HADHB: variants seen among roughly 807,000 people sequenced by gnomAD.
The protein encoded by HADHB is trifunctional enzyme subunit beta, mitochondrial.
HADHB carries 50 observed loss-of-function variants against 61.9 expected under a neutral mutation model. That is an observed-to-expected ratio of 0.81 (90% CI 0.64 to 1.02). The LOEUF (loss-of-function observed/expected upper bound fraction) is 1.02. Among genes scored for constraint, HADHB ranks in the 50% least tolerant of loss-of-function variants. The probability of loss-of-function intolerance (pLI) is 0.00; values close to 1 mark genes in which losing one functional copy is unlikely to be tolerated. For synonymous variants in HADHB, 191 were observed against 201.6 expected (o/e 0.95, Z 0.45); for missense variants, 504 against 586.5 (o/e 0.86, Z 1.45).
intron 8 of HADHB, 66 bp downstream of exon 8, chr2:26,278,867 C>G (rs1008052766): frequency 3.1e-6 from 4 of 1,287,354 alleles, no homozygotes; most frequent in Non-Finnish European, 4.5e-6. Context: ...AGTGTGGACT[C>G]TGCTATGCTG....
intron 12 of HADHB, among the ~76,000 whole-genome samples, 197 bp from the exon 13 acceptor site, chr2:26,283,918 ACT>A (rs1402779618): frequency 6.6e-6 from 1 of 152,056 alleles, no homozygotes; most frequent in East Asian, 1.9e-4. Context: ...AATTTCTCTG[ACT>A]CTGCAACATA....
chr2:26,259,543 C>G (rs1274225597), intron 3 of HADHB, among the ~76,000 whole-genome samples: 1 of 152,190 alleles, frequency 6.6e-6, no homozygotes, highest in Non-Finnish European at 1.5e-5. Context: ...GGTTATAGAA[C>G]AGCTGCCTTC....
chr2:26,285,828 C>A (rs1673013155), intron 15 of HADHB, among the ~76,000 whole-genome samples: 1 of 143,844 alleles, frequency 7.0e-6, no homozygotes, highest in Non-Finnish European at 1.5e-5. Context: ...ACCTCCACTT[C>A]CCGGATTCAG....
chr2:26,284,419 G>A (rs1672932171), intron 13 of HADHB, among the ~76,000 whole-genome samples: 1 of 151,726 alleles, frequency 6.6e-6, no homozygotes, highest in Admixed American at 6.6e-5. Flanking sequence ...TGCTTCTTTA[G>A]GAAATTGCCA....
At chr2:26,252,500 T>A (rs1412140833) in intron 1 of HADHB, among the ~76,000 whole-genome samples, 1 of 152,228 alleles carries the variant, frequency 6.6e-6, no homozygotes, top group East Asian at 1.9e-4. Context: ...CAATTATTTT[T>A]AACATCTTTA....
chr2:26,285,619 G>C (rs751590835), intron 15 of HADHB, 48 bp downstream of exon 15: 2 of 1,353,428 alleles, frequency 1.5e-6, no homozygotes, highest in Admixed American at 3.7e-5. Flanking sequence ...CATTTTCTTG[G>C]AATGACTAGA....
At chr2:26,268,944 C>G (rs959396401) in intron 4 of HADHB, among the ~76,000 whole-genome samples, 3 of 152,176 alleles carry the variant, frequency 2.0e-5, no homozygotes, top group Non-Finnish European at 2.9e-5. Context: ...GTCAGGAGTT[C>G]AGGACCAGCG....
At chr2:26,245,018 C>T (rs1671065792) in intron 1 of HADHB, 28 bp downstream of exon 1, 1 of 220,058 alleles carries the variant, frequency 4.5e-6, no homozygotes, top group Non-Finnish European at 9.5e-6. Context: ...CAGCTCTCCG[C>T]CCGGGCTTTC....
intron 12 of HADHB, among the ~76,000 whole-genome samples, chr2:26,283,502 C>T (rs538399034): frequency 4.0e-5 from 6 of 151,834 alleles, no homozygotes; most frequent in Non-Finnish European, 7.4e-5. Context: ...CCAGCCTGGG[C>T]GACAGAGCGA....
intron 1 of HADHB, among the ~76,000 whole-genome samples, chr2:26,251,249 G>A (rs964124097): frequency 1.3e-5 from 2 of 151,886 alleles, no homozygotes; most frequent in Admixed American, 6.6e-5. Context: ...GTACAGTAGC[G>A]TGATCATGGC....
intron 12 of HADHB, 35 bp from the exon 13 acceptor site, chr2:26,284,081 TA>T (rs1558360608): frequency 8.6e-7 from 1 of 1,167,238 alleles, no homozygotes; most frequent in Non-Finnish European, 1.3e-6. Context: ...GTTTAAAAAT[TA>T]AAGTTTTAAG....
At chr2:26,280,989 G>T (rs550228495) in intron 10 of HADHB, among the ~76,000 whole-genome samples, 1 of 151,872 alleles carries the variant, frequency 6.6e-6, no homozygotes, top group Non-Finnish European at 1.5e-5. Flanking sequence ...CTGGGAAGTC[G>T]CAGAAGACAA....
intron 3 of HADHB, chr2:26,254,822 CAAAAGTTAACTTTAA>C (rs1409601124): frequency 4.1e-6 from 1 of 242,136 alleles, no homozygotes; most frequent in Admixed American, 5.1e-5. Flanking sequence ...GCTATGGAAC[CAAAAGTTAACTTTAA>C]ATTTGCAATT....
chr2:26,284,757 G>A (rs1196204485), intron 13 of HADHB, 126 bp from the exon 14 acceptor site: 3 of 738,466 alleles, frequency 4.1e-6, no homozygotes, highest in African/African-American at 3.4e-5. Context: ...GTGAGCCACT[G>A]TGCCTGGCCG....
At chr2:26,253,019 GT>G (rs1671463845) in intron 1 of HADHB, among the ~76,000 whole-genome samples, 1 of 152,148 alleles carries the variant, frequency 6.6e-6, no homozygotes. Context: ...AATTATATCT[GT>G]GGTTTTAATT....
rs371159065 is a variant in HADHB at position 26,277,115 on chromosome 2, A to C, written c.397A>C (p.Thr133Pro). The C allele has an allele frequency of 8.7e-6, 14 of 1,607,026 alleles. No homozygotes were observed. The highest frequency in any genetic ancestry group is 1.1e-5 in the Non-Finnish European group (13 of 1,173,972). The change falls in exon 7 of 16, where the codon ACT becomes CCT. Residue 133 changes from threonine to proline, a missense_variant. Coordinates refer to ENST00000317799, the MANE Select transcript of HADHB (RefSeq NM_000183.3). ...AGFSDKTPAH[T>P]VTMACISANQ... is the part of the protein sequence containing the mutation. Reference sequence around the variant, plus strand: ...CTTCTCTGACAAGACTCCTGCTCACACTGTCACCATGGCTTGTATCTCTGC... The same window carrying C: ...CTTCTCTGACAAGACTCCTGCTCACCCTGTCACCATGGCTTGTATCTCTGC...
intron 1 of HADHB, among the ~76,000 whole-genome samples, chr2:26,251,717 G>T (rs1255238167): frequency 6.6e-6 from 1 of 151,884 alleles, no homozygotes; most frequent in Non-Finnish European, 1.5e-5. Context: ...CTAAAGCTTG[G>T]GCTTCTCCAT....
intron 3 of HADHB, chr2:26,261,204 C>A (rs376898541): frequency 2.1e-4 from 77 of 358,292 alleles, no homozygotes; most frequent in African/African-American, 1.3e-3. Flanking sequence ...AACAACAACA[C>A]AACAAATACC....
At chr2:26,276,556 ACT>A (rs1212229658) in intron 6 of HADHB, among the ~76,000 whole-genome samples, 1 of 152,016 alleles carries the variant, frequency 6.6e-6, no homozygotes, top group Non-Finnish European at 1.5e-5. Flanking sequence ...TTGAGTGGGA[ACT>A]CTGTTTATGA....
Sources: gnomAD v4.1 joint callset for allele counts (sites outside exome capture counted in the v4.1 genomes callset) on GRCh38, gnomAD v4.1.1 for gene constraint, MANE v1.5 for transcripts, NCBI Gene and HGNC (gene_info 2026-07-23, HGNC 2026-07-21) for gene names.